The following ADAMTS20 variants were observed in gnomAD, a reference collection of about 807,000 sequenced individuals.
ADAMTS20 encodes the protein ADAM metallopeptidase with thrombospondin type 1 motif 20.
A neutral mutation model predicts 260.1 loss-of-function variants in ADAMTS20; 225 were observed. That is an observed-to-expected ratio of 0.87 (90% CI 0.78 to 0.97). The LOEUF (loss-of-function observed/expected upper bound fraction) is 0.97, where lower values mean the gene tolerates loss of function less well. Among genes scored for constraint, ADAMTS20 ranks in the 50% least tolerant of loss-of-function variants. ADAMTS20 has a pLI of 0.00. For missense variants in ADAMTS20, 2,400 were observed against 2,337.7 expected (o/e 1.03, Z -0.55); for synonymous variants, 802 against 769.5 (o/e 1.04, Z -0.70).
At chr12:43,546,516 A>C (rs539779343) in intron 2 of ADAMTS20, among the ~76,000 whole-genome samples, 6 of 152,328 alleles carry the variant, frequency 3.9e-5, no homozygotes, top group African/African-American at 1.4e-4. Flanking sequence ...AATTGTCAGA[A>C]ACAGCCTGTG....
At chr12:43,475,566 C>A (rs551147426) in intron 7 of ADAMTS20, among the ~76,000 whole-genome samples, 2 of 152,168 alleles carry the variant, frequency 1.3e-5, no homozygotes, top group East Asian at 3.9e-4. Flanking sequence ...AAGCTGGAGG[C>A]ATCATCACAC....
intron 2 of ADAMTS20, among the ~76,000 whole-genome samples, chr12:43,540,076 G>A (rs1943356106): frequency 1.3e-5 from 2 of 152,188 alleles, no homozygotes; most frequent in Admixed American, 6.5e-5. Flanking sequence ...TAGAGACGGG[G>A]TTTCACCATG....
At chr12:43,426,777 A>T (rs1486319360) in intron 27 of ADAMTS20, among the ~76,000 whole-genome samples, 1 of 152,204 alleles carries the variant, frequency 6.6e-6, no homozygotes, top group Admixed American at 6.5e-5. Context: ...AGAATAAACC[A>T]ATTTTAGAAA....
At chr12:43,530,523 T>C (rs1196553359) in intron 3 of ADAMTS20, among the ~76,000 whole-genome samples, 1 of 152,128 alleles carries the variant, frequency 6.6e-6, no homozygotes, top group Non-Finnish European at 1.5e-5. Context: ...AGAAGTTCAT[T>C]CCCAAGGAAA....
At chr12:43,497,908 C>A (rs903396099) in intron 4 of ADAMTS20, among the ~76,000 whole-genome samples, 4 of 152,024 alleles carry the variant, frequency 2.6e-5, no homozygotes, top group African/African-American at 9.7e-5. Context: ...GTGTGGAAGT[C>A]TTTAATACTT....
chr12:43,423,934 T>A, intron 28 of ADAMTS20: 1 of 709,064 alleles, frequency 1.4e-6, no homozygotes, highest in African/African-American at 1.7e-5. Context: ...CCTATAAAGT[T>A]AAAATGTTCT....
intron 31 of ADAMTS20, among the ~76,000 whole-genome samples, chr12:43,381,230 T>C (rs1940342904): frequency 6.6e-6 from 1 of 152,172 alleles, no homozygotes; most frequent in Non-Finnish European, 1.5e-5. Flanking sequence ...ATCAAACTCC[T>C]AATTGTCTGA....
intron 28 of ADAMTS20, among the ~76,000 whole-genome samples, chr12:43,409,341 G>A (rs867850113): frequency 6.6e-6 from 1 of 151,770 alleles, no homozygotes; most frequent in Non-Finnish European, 1.5e-5. Flanking sequence ...GGTGGCTCAC[G>A]CCTGTAATCA....
chr12:43,407,443 C>A (rs1044342980), intron 28 of ADAMTS20, among the ~76,000 whole-genome samples: 3 of 151,486 alleles, frequency 2.0e-5, no homozygotes, highest in Non-Finnish European at 3.0e-5. Flanking sequence ...ACATGTAATT[C>A]ATCTAACTCA....
chr12:43,419,134 A>C (rs888967871), intron 28 of ADAMTS20, among the ~76,000 whole-genome samples: 1 of 152,146 alleles, frequency 6.6e-6, no homozygotes. Context: ...ATTTAACATT[A>C]ATTATTCAAC....
chr12:43,451,261 T>G (rs1158778890), intron 14 of ADAMTS20, among the ~76,000 whole-genome samples: 1 of 152,174 alleles, frequency 6.6e-6, no homozygotes, highest in African/African-American at 2.4e-5. Flanking sequence ...CTATATTCTT[T>G]AGACCACATT....
intron 37 of ADAMTS20, among the ~76,000 whole-genome samples, chr12:43,359,245 G>T (rs1939816745): frequency 6.6e-6 from 1 of 152,214 alleles, no homozygotes; most frequent in Non-Finnish European, 1.5e-5. Context: ...AAATTGGAAT[G>T]TTTATTCTTG....
chr12:43,529,574 G>A (rs11182141), intron 3 of ADAMTS20, among the ~76,000 whole-genome samples: 2,281 of 152,192 alleles, frequency 0.015, 53 homozygotes, highest in African/African-American at 0.051. Context: ...AATACCATAC[G>A]TTCTCACTTA....
In ADAMTS20 at chr12:43,551,188, G is replaced by T. The variant is rs778393285; in HGVS notation, c.174C>A (p.Ser58Arg). 1.4e-5 allele frequency: 22 copies of T among 1,613,794 alleles called. No individual in the cohort carries two copies. The highest frequency in any genetic ancestry group is 1.3e-5 in the African/African-American group (1 of 74,916). ...TGCGTTTCTGCCGGCTGAAGTGGTGGCTCTGAGGGAACACTTCTCCAAACT... is the reference window on the plus strand; with the variant it reads ...TGCGTTTCTGCCGGCTGAAGTGGTGTCTCTGAGGGAACACTTCTCCAAACT... ...VNEFGEVFPQ[S>R]HHFSRQKRSS... Residue 58 changes from serine to arginine, a missense_variant, in exon 2 of 39, where the codon AGC (serine) becomes AGA (arginine). Coordinates refer to ENST00000389420, the MANE Select transcript of ADAMTS20 (RefSeq NM_025003.5). The surrounding 1 kb of genome is among the most constrained non-coding windows in gnomAD (Gnocchi z 4.6).
In ADAMTS20 at chr12:43,376,618, T is replaced by C. The variant is rs1452936803; in HGVS notation, c.5031A>G (p.Arg1677=). The change falls in exon 33 of 39, where the codon AGA becomes AGG. Residue 1677 remains arginine, a synonymous_variant. Transcript: ENST00000389420. ...CATGTTTGGTAATGCATTTCACTTG[T>C]CTCTTCATTATCCCAATTCCACAAG... is the stretch of plus-strand genomic sequence containing the variant. ...SVTCGIGIMK[R]QVKCITKHGL... The C allele has an allele frequency of 1.2e-6, 2 of 1,613,290 alleles. No homozygotes were observed. The highest frequency in any genetic ancestry group is 8.5e-7 in the Non-Finnish European group (1 of 1,179,664).
chr12:43,540,080 C>T (rs1217415203), intron 2 of ADAMTS20, among the ~76,000 whole-genome samples: 1 of 152,236 alleles, frequency 6.6e-6, no homozygotes, highest in East Asian at 1.9e-4. Context: ...GACGGGGTTT[C>T]ACCATGTTGG....
intron 31 of ADAMTS20, among the ~76,000 whole-genome samples, chr12:43,382,676 T>A: frequency 6.6e-6 from 1 of 151,826 alleles, no homozygotes; most frequent in East Asian, 1.9e-4. Context: ...TTTAAAAAAA[T>A]TCAAGAAAAA....
At position 43,468,705 on chromosome 12, in the gene ADAMTS20, C is replaced by A. The variant is rs1942199583; in HGVS notation, c.1118G>T (p.Gly373Val). ...CSSKEKCNML[G>V]LSYLGTICDP... ...ACATATGGTACCTAAATATGATAAA[C>A]CTGAAAAATTTCACATTTGTATTTC... The change falls in exon 8 of 39, where the codon GGT (glycine) becomes GTT (valine). Residue 373 changes from glycine (G) to valine (V), a missense_variant and splice_region_variant. Gly to Val is a moderately radical substitution (Grantham distance 109). Coordinates refer to ENST00000389420, the MANE Select transcript of ADAMTS20 (RefSeq NM_025003.5). The A allele has an allele frequency of 2.0e-6, 3 of 1,535,156 alleles. No homozygotes were observed. The highest frequency in any genetic ancestry group is 2.0e-5 in the Admixed American group (1 of 49,886).
intron 28 of ADAMTS20, among the ~76,000 whole-genome samples, chr12:43,399,477 A>G (rs1940767984): frequency 6.6e-6 from 1 of 152,170 alleles, no homozygotes; most frequent in African/African-American, 2.4e-5. Context: ...AAATGTATTG[A>G]TTGTCTACAA....
Sources: gnomAD v4.1 joint callset for allele counts (sites outside exome capture counted in the v4.1 genomes callset) on GRCh38, gnomAD v4.1.1 for gene constraint, Gnocchi (gnomAD v3.1) non-coding constraint, MANE v1.5 for transcripts, NCBI Gene and HGNC (gene_info 2026-07-23, HGNC 2026-07-21) for gene names.